Variants in AKR1A1 observed in about 807,000 individuals in gnomAD.
AKR1A1 encodes the protein aldo-keto reductase family 1 member A1, also known as HEL-S-165mP.
Under a neutral mutation model 39.2 loss-of-function variants are expected in AKR1A1, and 26 were observed. The ratio of observed to expected loss-of-function variants is 0.66; its 90% CI spans 0.49 to 0.92. The LOEUF is 0.92. AKR1A1 is among the 40% of genes least tolerant of loss of function. The probability of loss-of-function intolerance (pLI) is 0.00; values close to 1 mark genes in which losing one functional copy is unlikely to be tolerated. For synonymous variants in AKR1A1, 141 were observed against 155.5 expected, an observed-to-expected ratio of 0.91 and a Z score of 0.69; for missense variants, 378 against 406.5, an observed-to-expected ratio of 0.93 and a Z score of 0.60.
At chr1:45,569,304 G>C in intron 8 of AKR1A1, 75 bp downstream of exon 8, 1 of 1,252,314 alleles carries the variant, frequency 8.0e-7, no homozygotes, top group Non-Finnish European at 1.2e-6. Flanking sequence ...TGTGACCTAA[G>C]GCTTGCTGGT....
At chr1:45,560,651 G>T (rs1475350821) in intron 1 of AKR1A1, among the ~76,000 whole-genome samples, 1 of 151,668 alleles carries the variant, frequency 6.6e-6, no homozygotes, top group Non-Finnish European at 1.5e-5. Flanking sequence ...TACCTCCCTT[G>T]CAGGAGCCCA....
chr1:45,561,887 T>C lies in AKR1A1; in HGVS notation c.84+9T>C. 1 of 1,613,586 alleles carries C rather than the reference T, an allele frequency of 6.2e-7. No individual in the cohort carries two copies. The highest frequency in any genetic ancestry group is 8.5e-7 in the Non-Finnish European group (1 of 1,179,780). On this transcript the variant is annotated intron_variant, in intron 2 of 8. Coordinates refer to ENST00000351829, the MANE Select transcript of AKR1A1 (RefSeq NM_153326.3). ...AGAGTGAGCCTGGTCAGGTGAGGGATGGGGGAAGAAAAAAGAAACTTGTTG... is the reference window on the plus strand; with the variant it reads ...AGAGTGAGCCTGGTCAGGTGAGGGACGGGGGAAGAAAAAAGAAACTTGTTG...
At chr1:45,568,744 T>A (rs957819558) in intron 6 of AKR1A1, 60 bp downstream of exon 6, 5 of 1,594,104 alleles carry the variant, frequency 3.1e-6, no homozygotes, top group Non-Finnish European at 3.4e-6. Context: ...AGGGATTTCT[T>A]ATTTCAGTGT....
At chr1:45,558,601 T>C (rs1182075911) in intron 1 of AKR1A1, among the ~76,000 whole-genome samples, 1 of 151,906 alleles carries the variant, frequency 6.6e-6, no homozygotes, top group Non-Finnish European at 1.5e-5. Flanking sequence ...GGTTTCACCA[T>C]GTTGGTCAGG....
chr1:45,556,804 G>C (rs1385376526), intron 1 of AKR1A1, among the ~76,000 whole-genome samples: 6 of 152,074 alleles, frequency 3.9e-5, no homozygotes, highest in Non-Finnish European at 5.9e-5. Flanking sequence ...TTGAACCTGG[G>C]AGGTGGAGGT....
At position 45,569,143 on chromosome 1, in the gene AKR1A1, G is replaced by T. The variant is rs1293029163; in HGVS notation, c.826G>T (p.Val276Leu). Residue 276 changes from valine to leucine, a missense_variant and splice_region_variant, in exon 8 of 9, where the codon GTG becomes TTG. By Grantham distance (32) the Val-to-Leu change is conservative (BLOSUM62 1). Coordinates refer to ENST00000351829, the MANE Select transcript of AKR1A1 (RefSeq NM_153326.3). ...TPSRILQNIKVFDFTFSPEEM... is the reference protein window; with the variant it reads ...TPSRILQNIKLFDFTFSPEEM... ...CTTGAACCCCACTCTCCATCCTCAG[G>T]TGTTTGACTTCACCTTTAGCCCAGA... The T allele has an allele frequency of 2.5e-6, 4 of 1,613,858 alleles. No individual in the cohort carries two copies. The highest frequency in any genetic ancestry group is 3.4e-6 in the Non-Finnish European group (4 of 1,179,888).
rs1557636215 is a variant in AKR1A1 at position 45,566,924 on chromosome 1, A to G, written c.260A>G (p.His87Arg). ...VTSKLWNTKH[H>R]PEDVEPALRK... ...TCCAAGCTGTGGAACACCAAGCACC[A>G]CCCCGAGGATGTGGAGCCTGCCCTC... Residue 87 changes from histidine to arginine, a missense_variant, in exon 4 of 9, where the codon CAC becomes CGC. Physicochemically the swap from His to Arg is conservative, Grantham distance 29. Coordinates refer to ENST00000351829, the MANE Select transcript of AKR1A1 (RefSeq NM_153326.3). 5 of 1,613,900 alleles carry G rather than the reference A, an allele frequency of 3.1e-6. No individual in the cohort carries two copies. The South Asian group carries it at 4.4e-5, about 14-fold the overall frequency.
In AKR1A1 at chr1:45,567,956, ACTTGGTGGGGCTGT is replaced by A. The variant is rs1296380457; in HGVS notation, c.357-23_357-10del. The A allele has an allele frequency of 1.3e-6, 2 of 1,587,544 alleles. No individual in the cohort carries two copies. Among genetic ancestry groups the A allele is most frequent in the African/African-American group, 1.3e-5 (1 of 74,342 alleles). On this transcript the variant is annotated splice_polypyrimidine_tract_variant and intron_variant, in intron 4 of 8. Transcript: ENST00000351829. ...GTAGAAGCCTGGCATTTGTGTCCAC[ACTTGGTGGGGCTGT>A]CTCTCACTCAGGCGGGGAGACAACC...
chr1:45,561,016 C>T (rs917049526), intron 1 of AKR1A1, among the ~76,000 whole-genome samples: 31 of 152,006 alleles, frequency 2.0e-4, no homozygotes, highest in Admixed American at 1.0e-3. Flanking sequence ...CGTGAGCCAC[C>T]GTGCCTGGCC....
intron 2 of AKR1A1, among the ~76,000 whole-genome samples, chr1:45,564,304 G>A (rs562472411): frequency 6.6e-4 from 101 of 152,266 alleles, no homozygotes; most frequent in African/African-American, 2.3e-3. Flanking sequence ...AACAGCAGGG[G>A]TCAGATGTTA....
Position 45,568,185 on chromosome 1 carries a change from C to G in AKR1A1, c.552+8C>G, listed in dbSNP as rs747895340. The stretch of plus-strand genomic sequence containing the variant: ...CGTCCAGCTGTCTTGCAGGTAAGGA[C>G]AGCAAGCAGATGAGTGGTTTAGGGG... On this transcript the variant is annotated splice_region_variant and intron_variant, in intron 5 of 8. Coordinates refer to ENST00000351829, the MANE Select transcript of AKR1A1 (RefSeq NM_153326.3). 6.2e-7 allele frequency: 1 copy of G among 1,607,742 alleles called. No individual in the cohort carries two copies. Among genetic ancestry groups the G allele is most frequent in the South Asian group, 1.1e-5 (1 of 90,060 alleles).
At chr1:45,562,330 ATTT>A (rs957556536) in intron 2 of AKR1A1, among the ~76,000 whole-genome samples, 24 of 132,192 alleles carry the variant, frequency 1.8e-4, no homozygotes, top group Admixed American at 3.8e-4. Context: ...AGGTCAGCAA[ATTT>A]TTTTTTTTTT....
intron 1 of AKR1A1, among the ~76,000 whole-genome samples, chr1:45,558,731 G>A (rs552172555): frequency 5.9e-5 from 9 of 152,066 alleles, no homozygotes; most frequent in East Asian, 1.9e-4. Flanking sequence ...ATGGGGTTTC[G>A]CCATGTTGGC....
At position 45,566,615 on chromosome 1, in the gene AKR1A1, T is replaced by C. The variant is rs1644347118; in HGVS notation, c.131T>C (p.Ile44Thr). 1.2e-6 allele frequency: 2 copies of C among 1,614,084 alleles called. No individual in the cohort carries two copies. Among genetic ancestry groups the C allele is most frequent in the African/African-American group, 2.7e-5 (2 of 74,940 alleles). Residue 44 changes from isoleucine to threonine, a missense_variant, in exon 3 of 9, where the codon ATT (isoleucine) becomes ACT (threonine). Ile to Thr is a moderately conservative substitution (Grantham distance 89). Transcript: ENST00000351829. ...GCCCTTAGCGTAGGCTACCGCCACA[T>C]TGATTGTGCTGCTATCTACGGCAAT... ...KYALSVGYRH[I>T]DCAAIYGNEP...
chr1:45,554,691 TTTTA>T (rs1644177628), intron 1 of AKR1A1, among the ~76,000 whole-genome samples: 1 of 152,134 alleles, frequency 6.6e-6, no homozygotes, highest in African/African-American at 2.4e-5. Flanking sequence ...TTTAGATGGC[TTTTA>T]TTTATTTATT....
chr1:45,557,665 C>T (rs1349409605), intron 1 of AKR1A1, among the ~76,000 whole-genome samples: 1 of 152,178 alleles, frequency 6.6e-6, no homozygotes, highest in East Asian at 1.9e-4. Flanking sequence ...GCCTTAGACC[C>T]TGGTGGCAGC....
intron 1 of AKR1A1, among the ~76,000 whole-genome samples, chr1:45,559,647 T>C (rs1376821145): frequency 2.3e-5 from 3 of 129,040 alleles, no homozygotes; most frequent in Non-Finnish European, 4.9e-5. Flanking sequence ...TTTTTTTTTT[T>C]TTTTTTTTTT....
chr1:45,555,602 G>A (rs1320088908), intron 1 of AKR1A1, among the ~76,000 whole-genome samples: 1 of 152,140 alleles, frequency 6.6e-6, no homozygotes, highest in Admixed American at 6.5e-5. Context: ...TTAGGTTTAT[G>A]CAAATACTAT....
chr1:45,563,199 A>G (rs1478507980), intron 2 of AKR1A1, among the ~76,000 whole-genome samples: 1 of 151,848 alleles, frequency 6.6e-6, no homozygotes, highest in Non-Finnish European at 1.5e-5. Context: ...CAGGAGTTCG[A>G]GACCAGCTTG....
Sources: allele counts gnomAD v4.1 joint callset (sites outside exome capture counted in the v4.1 genomes callset), GRCh38; gene constraint gnomAD v4.1.1; transcripts MANE v1.5; gene names NCBI Gene and HGNC (gene_info 2026-07-23, HGNC 2026-07-21).